SLC4A10: variants seen among roughly 807,000 people sequenced by gnomAD.
SLC4A10 encodes the protein solute carrier family 4 member 10.
Under a neutral mutation model 137.7 loss-of-function variants are expected in SLC4A10, and 42 were observed. That is an observed-to-expected ratio of 0.30 (90% CI 0.24 to 0.39). The LOEUF (loss-of-function observed/expected upper bound fraction) is 0.39. SLC4A10 is among the 10% of genes least tolerant of loss of function. The pLI is 1.00. For missense variants in SLC4A10, 925 were observed against 1,355.0 expected, an observed-to-expected ratio of 0.68 and a Z score of 4.98; for synonymous variants, 474 against 464.1, an observed-to-expected ratio of 1.02 and a Z score of -0.27.
At chr2:161,943,086 T>C (rs1405176123) in intron 16 of SLC4A10, among the ~76,000 whole-genome samples, 189 bp downstream of exon 16, 1 of 152,128 alleles carries the variant, frequency 6.6e-6, no homozygotes, top group African/African-American at 2.4e-5. Flanking sequence ...AAGGTTGTTC[T>C]AATAGAAGAC....
At chr2:161,722,157 C>T (rs1029920151) in intron 1 of SLC4A10, among the ~76,000 whole-genome samples, 1 of 152,186 alleles carries the variant, frequency 6.6e-6, no homozygotes, top group East Asian at 1.9e-4. Context: ...TTTGTTATTA[C>T]TCACCTTCTG....
chr2:161,814,643 A>T (rs1399134467), intron 3 of SLC4A10, among the ~76,000 whole-genome samples: 3 of 152,198 alleles, frequency 2.0e-5, no homozygotes, highest in African/African-American at 7.2e-5. Flanking sequence ...GGAGGTCATT[A>T]TCCTAAGTGA....
chr2:161,950,939 A>AAT, intron 19 of SLC4A10, 91 bp downstream of exon 19: 6 of 1,012,454 alleles, frequency 5.9e-6, no homozygotes, highest in Non-Finnish European at 8.4e-6. Context: ...ATTCATTTGC[A>AAT]CAGTGAAATA....
chr2:161,638,230 C>G (rs2034737892), intron 1 of SLC4A10, among the ~76,000 whole-genome samples: 1 of 152,076 alleles, frequency 6.6e-6, no homozygotes, highest in Admixed American at 6.6e-5. Context: ...AGCATTTCCT[C>G]TACATGTTTT....
At chr2:161,751,219 G>A (rs909396392) in intron 1 of SLC4A10, among the ~76,000 whole-genome samples, 1 of 151,744 alleles carries the variant, frequency 6.6e-6, no homozygotes, top group South Asian at 2.1e-4. Flanking sequence ...TCTTTTCACT[G>A]GGGAGTTTAG....
rs375583680 is a variant in SLC4A10 at position 161,771,087 on chromosome 2, G to T, written c.130+33G>T. 266 of 1,432,738 alleles carry T rather than the reference G, an allele frequency of 1.9e-4. 1 individual carries two copies. The highest frequency in any genetic ancestry group is 5.9e-4 in the South Asian group (48 of 81,710). The allele number at this position is 1,432,738 out of a possible 1,614,324, so 88.8% of individuals were successfully genotyped here. On this transcript the variant is annotated intron_variant, in intron 2 of 26. Transcript: ENST00000446997. Reference sequence around the variant, plus strand: ...CATTTTTCTTGGGATAGCTATTGGTGTGCTTTCCAAAAGTATTTCACAGAT... The same window carrying T: ...CATTTTTCTTGGGATAGCTATTGGTTTGCTTTCCAAAAGTATTTCACAGAT...
At chr2:161,668,327 G>C (rs970394832) in intron 1 of SLC4A10, among the ~76,000 whole-genome samples, 6 of 151,810 alleles carry the variant, frequency 4.0e-5, no homozygotes, top group African/African-American at 1.4e-4. Context: ...AGAATGCCTA[G>C]AGGATATGAT....
intron 12 of SLC4A10, 155 bp downstream of exon 12, chr2:161,901,166 A>G (rs6754546): frequency 0.55 from 350,800 of 636,632 alleles, 99,730 homozygotes; most frequent in East Asian, 0.86. Flanking sequence ...CTCTGAAGTT[A>G]CTAATGATTG....
intron 4 of SLC4A10, among the ~76,000 whole-genome samples, chr2:161,852,144 A>T (rs1281345043): frequency 6.6e-6 from 1 of 152,218 alleles, no homozygotes; most frequent in Non-Finnish European, 1.5e-5. Context: ...ATAAACAGGG[A>T]TGACAGAAAG....
At chr2:161,794,024 T>C (rs575146571) in intron 2 of SLC4A10, among the ~76,000 whole-genome samples, 1 of 152,274 alleles carries the variant, frequency 6.6e-6, no homozygotes, top group South Asian at 2.1e-4. Context: ...AACAATATTG[T>C]TCATGAAAAC....
intron 1 of SLC4A10, among the ~76,000 whole-genome samples, chr2:161,711,017 T>C (rs1393453269): frequency 6.6e-6 from 1 of 151,848 alleles, no homozygotes; most frequent in East Asian, 1.9e-4. Flanking sequence ...GTAACCTTTT[T>C]TCCTCATGTA....
intron 21 of SLC4A10, among the ~76,000 whole-genome samples, chr2:161,960,630 G>T (rs1696519394): frequency 6.7e-6 from 1 of 150,346 alleles, no homozygotes; most frequent in South Asian, 2.1e-4. Context: ...TGAGATAGAA[G>T]AATTACTTGA....
At chr2:161,947,871 A>G (rs933326582) in intron 17 of SLC4A10, 144 bp downstream of exon 17, 3 of 915,580 alleles carry the variant, frequency 3.3e-6, no homozygotes, top group African/African-American at 3.4e-5. Context: ...GGCTGAAGAG[A>G]AAGAATTTGT....
chr2:161,806,555 C>A (rs1575057409), intron 3 of SLC4A10, among the ~76,000 whole-genome samples: 1 of 152,312 alleles, frequency 6.6e-6, no homozygotes, highest in Non-Finnish European at 1.5e-5. Flanking sequence ...TAAATCATCT[C>A]TCTCAAGTTC....
chr2:161,869,723 A>G (rs2060989414), intron 6 of SLC4A10, among the ~76,000 whole-genome samples: 1 of 151,626 alleles, frequency 6.6e-6, no homozygotes, highest in African/African-American at 2.4e-5. Flanking sequence ...GAAATAATAG[A>G]CAAGAAATAA....
chr2:161,779,213 A>G (rs1332895020), intron 2 of SLC4A10, among the ~76,000 whole-genome samples: 2 of 151,960 alleles, frequency 1.3e-5, no homozygotes, highest in South Asian at 2.1e-4. Flanking sequence ...AACTAATGCC[A>G]TCTTGCAGGA....
intron 10 of SLC4A10, among the ~76,000 whole-genome samples, chr2:161,893,351 C>T (rs1055165601): frequency 6.6e-6 from 1 of 151,578 alleles, no homozygotes; most frequent in East Asian, 2.0e-4. Flanking sequence ...TATAGTTGGC[C>T]CTCTGTATCT....
rs910142164 is a variant in SLC4A10, at chr2:161,679,634, T to C, written c.48+55068T>C. Among the ~76,000 whole-genome samples the C allele has an allele frequency of 2.0e-5, 3 of 151,990 alleles. No individual in the cohort carries two copies. In the East Asian group the frequency reaches 5.8e-4, roughly 29 times the overall value. On this transcript the variant is annotated intron_variant, in intron 1 of 26. Coordinates refer to ENST00000446997, the MANE Select transcript of SLC4A10 (RefSeq NM_001178015.2). ...ACTATATGCTGTCATTTCTGCTTTCTAAATCTCTGGAATCTGCTTTTATTT... is the reference window on the plus strand; with the variant it reads ...ACTATATGCTGTCATTTCTGCTTTCCAAATCTCTGGAATCTGCTTTTATTT...
Position 161,979,231 on chromosome 2 carries a change from C to T in SLC4A10, c.*26+1471C>T, listed in dbSNP as rs140504811. ...TTTGGTTCAAGCAAAAGTCTTGTGA[C>T]GTGATATTTTAGCTACTCCTTAAAG... On this transcript the variant is annotated intron_variant, in intron 26 of 26. Coordinates refer to ENST00000446997, the MANE Select transcript of SLC4A10 (RefSeq NM_001178015.2). Among the ~76,000 whole-genome samples the T allele has an allele frequency of 2.8e-4, 43 of 152,256 alleles. No individual in the cohort carries two copies. The East Asian group carries it at 4.4e-3, about 16-fold the overall frequency.
Sources: allele counts gnomAD v4.1 joint callset (sites outside exome capture counted in the v4.1 genomes callset), GRCh38; gene constraint gnomAD v4.1.1; transcripts MANE v1.5; gene names NCBI Gene and HGNC (gene_info 2026-07-23, HGNC 2026-07-21).